Variants in CARMIL1 observed in about 807,000 individuals in gnomAD.
CARMIL1 encodes F-actin-uncapping protein LRRC16A.
A neutral mutation model predicts 177.1 loss-of-function variants in CARMIL1; 90 were observed. The observed-to-expected ratio is 0.51, with a 90% CI of 0.43 to 0.61. The LOEUF (loss-of-function observed/expected upper bound fraction) is 0.61. Among genes scored for constraint, CARMIL1 ranks in the 20% least tolerant of loss-of-function variants. The pLI, the probability that CARMIL1 is intolerant of heterozygous loss-of-function variation, is 0.00. For missense variants in CARMIL1, 1,380 were observed against 1,667.0 expected (o/e 0.83, Z 3.00); for synonymous variants, 577 against 606.2 (o/e 0.95, Z 0.71).
intron 36 of CARMIL1, among the ~76,000 whole-genome samples, chr6:25,612,113 A>G (rs941164228): frequency 6.6e-6 from 1 of 152,208 alleles, no homozygotes; most frequent in Non-Finnish European, 1.5e-5. Context: ...GAATAAGTTA[A>G]TCATAGACAT....
At chr6:25,353,927 G>A (rs1203054765) in intron 2 of CARMIL1, among the ~76,000 whole-genome samples, 7 of 152,148 alleles carry the variant, frequency 4.6e-5, no homozygotes, top group South Asian at 2.1e-4. Flanking sequence ...GGGGACATTT[G>A]GCAGTGTCTA....
rs1171976393 is a variant in CARMIL1 at position 25,326,354 on chromosome 6, G to T, written c.138+41445G>T. Among the ~76,000 whole-genome samples the T allele has an allele frequency of 6.6e-6, 1 of 152,216 alleles. No homozygotes were observed. The highest frequency in any genetic ancestry group is 1.9e-4 in the East Asian group (1 of 5,206). ...GAGGCAAGAGCATCGGGATATCCAAGAAGTCATGCTGGATTACATATACTG... is the reference window on the plus strand; with the variant it reads ...GAGGCAAGAGCATCGGGATATCCAATAAGTCATGCTGGATTACATATACTG... On this transcript the variant is annotated intron_variant, in intron 2 of 36. Coordinates refer to ENST00000329474, the MANE Select transcript of CARMIL1 (RefSeq NM_017640.6). This position sits in a 1 kb window ranked among gnomAD's most constrained non-coding sequence, Gnocchi z 4.2.
chr6:25,497,043 A>C (rs1043073330), intron 16 of CARMIL1, among the ~76,000 whole-genome samples: 4 of 152,238 alleles, frequency 2.6e-5, no homozygotes, highest in Non-Finnish European at 4.4e-5. Context: ...GATAGTGTTA[A>C]ATCAGTAGTC....
intron 2 of CARMIL1, among the ~76,000 whole-genome samples, chr6:25,410,076 A>ACAC (rs1794772255): frequency 7.1e-6 from 1 of 139,888 alleles, no homozygotes; most frequent in Admixed American, 7.3e-5. Flanking sequence ...ATCTAAATCA[A>ACAC]CCCCCCCCGC....
chr6:25,354,392 T>C (rs2150368703), intron 2 of CARMIL1, among the ~76,000 whole-genome samples: 1 of 135,510 alleles, frequency 7.4e-6, no homozygotes. Context: ...TTGCCCAACA[T>C]GGTCTTGAAC....
In CARMIL1 at chr6:25,340,687, C is replaced by T. The variant is rs76652724; in HGVS notation, c.138+55778C>T. On this transcript the variant is annotated intron_variant, in intron 2 of 36. Coordinates refer to ENST00000329474, the MANE Select transcript of CARMIL1 (RefSeq NM_017640.6). ...TCAGCAGACCATGAACTACATGCTA[C>T]GAGGGGAAATCCAAATGCCTCAATG... is the stretch of plus-strand genomic sequence containing the variant. Among the ~76,000 whole-genome samples the T allele has an allele frequency of 6.3e-3, 942 of 148,948 alleles. 5 individuals carry two copies. The highest frequency in any genetic ancestry group is 9.3e-3 in the Non-Finnish European group (626 of 67,660).
intron 4 of CARMIL1, 139 bp downstream of exon 4, chr6:25,426,699 T>C (rs1581902030): frequency 6.2e-6 from 4 of 644,232 alleles, no homozygotes; most frequent in Non-Finnish European, 2.6e-6. Context: ...ACACTGGCTG[T>C]GTGGACAGGA....
chr6:25,376,705 AT>A (rs947043702), intron 2 of CARMIL1, among the ~76,000 whole-genome samples: 2 of 151,890 alleles, frequency 1.3e-5, no homozygotes, highest in African/African-American at 2.4e-5. Context: ...TAATTAATTA[AT>A]TTTTTTCTGC....
intron 2 of CARMIL1, among the ~76,000 whole-genome samples, chr6:25,333,443 G>A (rs1233290961): frequency 6.6e-6 from 1 of 152,156 alleles, no homozygotes; most frequent in African/African-American, 2.4e-5. Flanking sequence ...GAGTGCAGCT[G>A]TAGTCCCTGC....
chr6:25,449,895 C>T lies in CARMIL1; in HGVS notation c.372-3C>T, dbSNP rs1223020259. 1 of 1,584,438 alleles carries T rather than the reference C, an allele frequency of 6.3e-7. No homozygotes were observed. The highest frequency in any genetic ancestry group is 1.1e-5 in the South Asian group (1 of 88,848). ...AAATGTGTTGTTGTTGTTGATCTTA[C>T]AGGAGAATCATGAAAAAAGTCTCCA... On this transcript the variant is annotated splice_polypyrimidine_tract_variant and splice_region_variant and intron_variant, in intron 5 of 36. Coordinates refer to ENST00000329474, the MANE Select transcript of CARMIL1 (RefSeq NM_017640.6).
intron 5 of CARMIL1, among the ~76,000 whole-genome samples, chr6:25,446,121 C>T (rs1385966461): frequency 1.3e-5 from 2 of 152,124 alleles, no homozygotes; most frequent in Non-Finnish European, 2.9e-5. Context: ...TCTTAAGGGC[C>T]TTGGGTTTTT....
intron 2 of CARMIL1, among the ~76,000 whole-genome samples, chr6:25,312,754 T>C (rs992484681): frequency 6.7e-6 from 1 of 148,366 alleles, no homozygotes; most frequent in African/African-American, 2.5e-5. Flanking sequence ...ACTTTTGTCT[T>C]TTTTTTTTTC....
chr6:25,348,006 T>C (rs1338880939), intron 2 of CARMIL1, among the ~76,000 whole-genome samples: 1 of 152,230 alleles, frequency 6.6e-6, no homozygotes, highest in African/African-American at 2.4e-5. Flanking sequence ...TCTTGGAAGC[T>C]GTGACTTTAA....
rs112771355 is a variant in CARMIL1 at position 25,461,153 on chromosome 6, A to G, written c.615-4720A>G. Among the ~76,000 whole-genome samples, 843 of 151,994 alleles carry G rather than the reference A, an allele frequency of 5.5e-3. 8 individuals carry two copies. Among genetic ancestry groups the G allele is most frequent in the Non-Finnish European group, 6.5e-3 (444 of 67,978 alleles). ...CCTCTGAACCCACCTTCTGCCTTAG[A>G]CTCCTTCCATATCTCTGATACATCA... On this transcript the variant is annotated intron_variant, in intron 8 of 36. Coordinates refer to ENST00000329474, the MANE Select transcript of CARMIL1 (RefSeq NM_017640.6).
intron 31 of CARMIL1, among the ~76,000 whole-genome samples, chr6:25,593,271 C>T (rs1045007185): frequency 6.6e-6 from 1 of 152,178 alleles, no homozygotes; most frequent in Non-Finnish European, 1.5e-5. Context: ...ATTCAAGAGT[C>T]TTTGATTTCA....
At chr6:25,325,198 G>A (rs1329749625) in intron 2 of CARMIL1, among the ~76,000 whole-genome samples, 1 of 152,192 alleles carries the variant, frequency 6.6e-6, no homozygotes, top group African/African-American at 2.4e-5. Context: ...GTTGAGCTGT[G>A]CCCTGAGATG....
At chr6:25,477,081 C>T (rs1227151448) in intron 11 of CARMIL1, among the ~76,000 whole-genome samples, 2 of 147,430 alleles carry the variant, frequency 1.4e-5, no homozygotes, top group African/African-American at 2.5e-5. Context: ...GAGAGAAATT[C>T]CGTCTCAAAA....
At chr6:25,603,491 A>G (rs1176630199) in intron 33 of CARMIL1, among the ~76,000 whole-genome samples, 1 of 152,168 alleles carries the variant, frequency 6.6e-6, no homozygotes, top group Non-Finnish European at 1.5e-5. Flanking sequence ...TGACTGGGGT[A>G]GATTGATGAA....
At chr6:25,462,688 A>G (rs1363555128) in intron 8 of CARMIL1, among the ~76,000 whole-genome samples, 1 of 151,898 alleles carries the variant, frequency 6.6e-6, no homozygotes, top group Non-Finnish European at 1.5e-5. Flanking sequence ...GCCATTCCCC[A>G]TTTACTTCAG....
Sources: gnomAD v4.1 joint callset for allele counts (sites outside exome capture counted in the v4.1 genomes callset) on GRCh38, gnomAD v4.1.1 for gene constraint, Gnocchi (gnomAD v3.1) non-coding constraint, MANE v1.5 for transcripts, NCBI Gene and HGNC (gene_info 2026-07-23, HGNC 2026-07-21) for gene names.